The following SNX29 variants were observed in gnomAD, a reference collection of about 807,000 sequenced individuals.
SNX29 encodes sorting nexin-29.
Under a neutral mutation model 102.1 loss-of-function variants are expected in SNX29, and 78 were observed. That is an observed-to-expected ratio of 0.76 (90% CI 0.64 to 0.92). The LOEUF (loss-of-function observed/expected upper bound fraction) is 0.92, where lower values mean the gene tolerates loss of function less well. Ranked by LOEUF, SNX29 falls within the 40% of genes least tolerant of loss-of-function variation. The pLI, the probability that SNX29 is intolerant of heterozygous loss-of-function variation, is 0.00. For synonymous variants in SNX29, 580 were observed against 414.5 expected (o/e 1.40, Z -4.85); for missense variants, 1,280 against 1,061.7 (o/e 1.21, Z -2.86).
chr16:11,986,329 G>A (rs191787420), intron 1 of SNX29, among the ~76,000 whole-genome samples: 66 of 144,132 alleles, frequency 4.6e-4, no homozygotes, highest in Non-Finnish European at 7.2e-4. Context: ...ATTTTTCTTC[G>A]CTTGCATCTG....
intron 1 of SNX29, among the ~76,000 whole-genome samples, chr16:11,979,577 A>G (rs1433353894): frequency 6.6e-6 from 1 of 151,926 alleles, no homozygotes; most frequent in South Asian, 2.1e-4. Flanking sequence ...TATTTTGTTT[A>G]TTTATTTATT....
chr16:12,563,191 A>T (rs576445148), intron 20 of SNX29, among the ~76,000 whole-genome samples: 1 of 86,610 alleles, frequency 1.2e-5, no homozygotes, highest in Non-Finnish European at 2.3e-5. Context: ...CACTTCCCAC[A>T]GTCAACATGC....
At chr16:12,008,083 A>T (rs771096672) in intron 3 of SNX29, among the ~76,000 whole-genome samples, 2 of 152,020 alleles carry the variant, frequency 1.3e-5, no homozygotes, top group Non-Finnish European at 2.9e-5. Context: ...AGCTGGGACT[A>T]CAGACGCCCG....
chr16:12,273,007 A>G (rs563690110), intron 14 of SNX29, among the ~76,000 whole-genome samples: 1 of 152,348 alleles, frequency 6.6e-6, no homozygotes, highest in South Asian at 2.1e-4. Flanking sequence ...TTACATTATT[A>G]TAACTGGAAA....
intron 16 of SNX29, among the ~76,000 whole-genome samples, chr16:12,359,661 T>A (rs2082245485): frequency 3.3e-5 from 5 of 152,236 alleles, no homozygotes; most frequent in Non-Finnish European, 5.9e-5. Context: ...GCCTCAGTAA[T>A]AATCAACTCA....
intron 14 of SNX29, among the ~76,000 whole-genome samples, chr16:12,268,869 T>G (rs1209563398): frequency 6.6e-6 from 1 of 152,180 alleles, no homozygotes; most frequent in Non-Finnish European, 1.5e-5. Context: ...GAAAACCCTA[T>G]GTGTTCTCTG....
chr16:12,476,409 T>TATATATAC (rs1567603306), intron 18 of SNX29, among the ~76,000 whole-genome samples: 1 of 20,200 alleles, frequency 5.0e-5, no homozygotes, highest in Non-Finnish European at 6.8e-5. Context: ...TATATATATA[T>TATATATAC]ATACATATAT....
At chr16:12,386,356 A>G (rs1156950531) in intron 16 of SNX29, among the ~76,000 whole-genome samples, 1 of 152,152 alleles carries the variant, frequency 6.6e-6, no homozygotes, top group Non-Finnish European at 1.5e-5. Context: ...CCTTACAACA[A>G]ACCTCTGAGG....
At chr16:12,041,182 G>A (rs886707292) in intron 4 of SNX29, among the ~76,000 whole-genome samples, 1 of 152,050 alleles carries the variant, frequency 6.6e-6, no homozygotes, top group African/African-American at 2.4e-5. Flanking sequence ...TGCGATCTTG[G>A]CTCATTGCAC....
intron 1 of SNX29, among the ~76,000 whole-genome samples, chr16:11,990,755 G>A (rs1002961001): frequency 2.0e-5 from 3 of 152,178 alleles, no homozygotes; most frequent in East Asian, 1.9e-4. Context: ...AGGGAAGATG[G>A]GAGCATGATT....
At chr16:12,233,337 A>T (rs956246748) in intron 14 of SNX29, among the ~76,000 whole-genome samples, 9 of 152,220 alleles carry the variant, frequency 5.9e-5, no homozygotes, top group African/African-American at 1.9e-4. Context: ...TAGTGCCCCA[A>T]CAGAAAACCA....
At chr16:12,516,063 C>A (rs1185038292) in intron 19 of SNX29, among the ~76,000 whole-genome samples, 1 of 152,146 alleles carries the variant, frequency 6.6e-6, no homozygotes, top group East Asian at 1.9e-4. Flanking sequence ...GCCCCAACTC[C>A]CATTACCTTA....
At chr16:12,194,158 C>G (rs1008367004) in intron 13 of SNX29, among the ~76,000 whole-genome samples, 1 of 152,086 alleles carries the variant, frequency 6.6e-6, no homozygotes, top group Non-Finnish European at 1.5e-5. Flanking sequence ...TCTTTGATTT[C>G]TTTTGTTAGT....
At chr16:12,140,769 C>T (rs903860231) in intron 13 of SNX29, among the ~76,000 whole-genome samples, 2 of 152,148 alleles carry the variant, frequency 1.3e-5, no homozygotes, top group South Asian at 2.1e-4. Context: ...CTAGATATTT[C>T]GGTCTGATAT....
At chr16:12,483,389 C>T (rs1255532851) in intron 19 of SNX29, among the ~76,000 whole-genome samples, 1 of 150,520 alleles carries the variant, frequency 6.6e-6, no homozygotes, top group Non-Finnish European at 1.5e-5. Flanking sequence ...GTGATCTCAG[C>T]TCACTGCAAT....
At chr16:12,144,587 G>C (rs1471324217) in intron 13 of SNX29, among the ~76,000 whole-genome samples, 1 of 152,184 alleles carries the variant, frequency 6.6e-6, no homozygotes, top group Non-Finnish European at 1.5e-5. Context: ...AAAGGTCCTC[G>C]CCAGACGCCA....
At chr16:12,438,896 C>T (rs774855269) in intron 18 of SNX29, among the ~76,000 whole-genome samples, 1 of 152,124 alleles carries the variant, frequency 6.6e-6, no homozygotes, top group Non-Finnish European at 1.5e-5. Context: ...ACTGGAAGAT[C>T]TACCTGGCTG....
In SNX29 at chr16:12,144,543, TC is replaced by T. The variant is rs1281532396; in HGVS notation, c.1595+14787del. The stretch of plus-strand genomic sequence containing the variant: ...TAAAAGGGCTAGCTGGGCTCCTTTT[TC>T]CGTTACTGCCTTCTGACCTATGATG... On this transcript the variant is annotated intron_variant, in intron 13 of 20. Transcript: ENST00000566228. Among the ~76,000 whole-genome samples, 4 of 152,310 alleles carry T rather than the reference TC, an allele frequency of 2.6e-5. No individual in the cohort carries two copies. The East Asian group carries it at 7.7e-4, about 29-fold the overall frequency.
intron 20 of SNX29, among the ~76,000 whole-genome samples, 188 bp from the exon 21 acceptor site, chr16:12,568,317 AT>A (rs1249930546): frequency 2.0e-5 from 3 of 150,720 alleles, no homozygotes; most frequent in African/African-American, 7.3e-5. Flanking sequence ...AAAAAAAAAA[AT>A]GGAAAGGTTT....
Sources: gnomAD v4.1 joint callset for allele counts (sites outside exome capture counted in the v4.1 genomes callset) on GRCh38, gnomAD v4.1.1 for gene constraint, MANE v1.5 for transcripts, NCBI Gene and HGNC (gene_info 2026-07-23, HGNC 2026-07-21) for gene names.